Variants in DCDC2 observed in about 807,000 individuals in gnomAD.
DCDC2 encodes the protein doublecortin domain-containing protein 2.
A neutral mutation model predicts 50.2 loss-of-function variants in DCDC2; 40 were observed. The observed-to-expected ratio is 0.80, with a 90% confidence interval of 0.62 to 1.04. DCDC2 has a LOEUF of 1.04. Among genes scored for constraint, DCDC2 ranks in the 50% least tolerant of loss-of-function variants. The pLI, the probability that DCDC2 is intolerant of heterozygous loss-of-function variation, is 0.00. For synonymous variants in DCDC2, 234 were observed against 210.6 expected, an observed-to-expected ratio of 1.11 and a Z score of -0.96; for missense variants, 570 against 581.9, an observed-to-expected ratio of 0.98 and a Z score of 0.21.
At chr6:24,179,885 C>T (rs1484941011) in intron 8 of DCDC2, among the ~76,000 whole-genome samples, 1 of 131,634 alleles carries the variant, frequency 7.6e-6, no homozygotes, top group Non-Finnish European at 1.5e-5. Context: ...ACCCGGGAGG[C>T]AGAGCTTGCA....
the DCDC2 span, among the ~76,000 whole-genome samples, chr6:24,381,301 T>C: frequency 6.6e-6 from 1 of 152,140 alleles, no homozygotes; most frequent in South Asian, 2.1e-4. Context: ...ATAATATTAT[T>C]AACCATAGTC....
chr6:24,234,028 A>T (rs76000831), intron 7 of DCDC2, among the ~76,000 whole-genome samples: 1,713 of 152,318 alleles, frequency 0.011, 32 homozygotes, highest in African/African-American at 0.039. Context: ...ATGCACATAA[A>T]ATGCAGATAG....
chr6:24,246,358 T>A, intron 7 of DCDC2, among the ~76,000 whole-genome samples: 1 of 151,148 alleles, frequency 6.6e-6, no homozygotes, highest in Admixed American at 6.6e-5. Context: ...AGTGGTAAAA[T>A]TTTAGAGAAA....
rs1763732911 is a variant in DCDC2, at chr6:24,291,027, A to G, written c.609T>C (p.Asn203=). 6.2e-7 allele frequency: 1 copy of G among 1,614,080 alleles called. No homozygotes were observed. The highest frequency in any genetic ancestry group is 1.3e-5 in the African/African-American group (1 of 75,064). The change falls in exon 5 of 10, where the codon AAT becomes AAC. Residue 203 remains asparagine, a synonymous_variant. Coordinates refer to ENST00000378454, the MANE Select transcript of DCDC2 (RefSeq NM_016356.5). ...TGCCAACAGCCACATAAAACTGCCC[A>G]TTCTCCAACTCTGCTCCACTCTCAA... ...KLVESGAELE[N]GQFYVAVGRD... is the part of the protein sequence containing the mutation.
chr6:24,364,049 C>T, the DCDC2 span, among the ~76,000 whole-genome samples: 1 of 152,120 alleles, frequency 6.6e-6, no homozygotes, highest in Non-Finnish European at 1.5e-5. Flanking sequence ...CCATCGCTTC[C>T]TTTAAAATCC....
chr6:24,363,383 C>T, the DCDC2 span, among the ~76,000 whole-genome samples: 1 of 152,126 alleles, frequency 6.6e-6, no homozygotes, highest in Non-Finnish European at 1.5e-5. Context: ...CTCCTGTAGT[C>T]CCAGCTACTC....
At chr6:24,282,128 C>T (rs1763487863) in intron 6 of DCDC2, among the ~76,000 whole-genome samples, 1 of 152,192 alleles carries the variant, frequency 6.6e-6, no homozygotes, top group African/African-American at 2.4e-5. Flanking sequence ...CACTGTCCTG[C>T]CCTTTGTCTC....
intron 4 of DCDC2, among the ~76,000 whole-genome samples, chr6:24,294,557 A>T (rs1437000322): frequency 6.6e-6 from 1 of 152,012 alleles, no homozygotes; most frequent in Non-Finnish European, 1.5e-5. Context: ...AAAATTAATA[A>T]GATACATAGG....
chr6:24,317,926 T>G (rs1013517702), intron 2 of DCDC2, among the ~76,000 whole-genome samples: 34 of 151,536 alleles, frequency 2.2e-4, no homozygotes, highest in African/African-American at 7.5e-4. Flanking sequence ...ACTAGAGAAA[T>G]GCAAATTAGA....
chr6:24,280,704 AT>A (rs1561756328), intron 6 of DCDC2, among the ~76,000 whole-genome samples: 1 of 151,734 alleles, frequency 6.6e-6, no homozygotes, highest in African/African-American at 2.4e-5. Context: ...ACCCAGGTAA[AT>A]TTTTTTGAAT....
At chr6:24,361,330 T>C (rs2127261609), upstream of DCDC2, among the ~76,000 whole-genome samples, 1 of 152,154 alleles carries the variant, frequency 6.6e-6, no homozygotes, top group Middle Eastern at 3.4e-3. Context: ...AGTATCAGGC[T>C]TAGTACCTGG....
intron 7 of DCDC2, among the ~76,000 whole-genome samples, chr6:24,254,044 G>C (rs1444895579): frequency 2.0e-5 from 3 of 150,292 alleles, no homozygotes. Context: ...TTTAAGTTTT[G>C]TTTAATTTTT....
intron 6 of DCDC2, among the ~76,000 whole-genome samples, chr6:24,285,853 A>T (rs1362150693): frequency 1.3e-5 from 2 of 152,152 alleles, no homozygotes; most frequent in African/African-American, 4.8e-5. Flanking sequence ...GTGACTTGGG[A>T]TCAATTTATT....
At chr6:24,234,363 A>G (rs982885269) in intron 7 of DCDC2, among the ~76,000 whole-genome samples, 3 of 152,218 alleles carry the variant, frequency 2.0e-5, no homozygotes, top group Admixed American at 2.0e-4. Context: ...TGCAAAGTTG[A>G]AGATAATGGG....
At chr6:24,362,626 G>A (rs1307450560), upstream of DCDC2, among the ~76,000 whole-genome samples, 3 of 151,798 alleles carry the variant, frequency 2.0e-5, no homozygotes, top group South Asian at 2.1e-4. Flanking sequence ...TGCCTCACAC[G>A]CCAGAACAAG....
the DCDC2 span, among the ~76,000 whole-genome samples, chr6:24,373,097 T>C: frequency 6.6e-6 from 1 of 152,306 alleles, no homozygotes; most frequent in African/African-American, 2.4e-5. Flanking sequence ...CAAACCTAGT[T>C]CATCAAGAAT....
Position 24,301,190 on chromosome 6 carries a change from A to T in DCDC2, c.557+525T>A, listed in dbSNP as rs989500923. Among the ~76,000 whole-genome samples, 18 of 151,834 alleles carry T rather than the reference A, an allele frequency of 1.2e-4. No individual in the cohort carries two copies. The East Asian group carries it at 1.4e-3, about 11-fold the overall frequency. ...ATCGAGCCCATCCTGGCTAACATGGAGAAACCCCGTCTCTACTAAAAATAC... is the reference window on the plus strand; with the variant it reads ...ATCGAGCCCATCCTGGCTAACATGGTGAAACCCCGTCTCTACTAAAAATAC... On this transcript the variant is annotated intron_variant, in intron 4 of 9. Transcript: ENST00000378454.
At chr6:24,203,640 G>A (rs773842037) in intron 8 of DCDC2, among the ~76,000 whole-genome samples, 2 of 152,122 alleles carry the variant, frequency 1.3e-5, no homozygotes, top group African/African-American at 4.8e-5. Flanking sequence ...TGACAAATGG[G>A]ATCTAATTAA....
chr6:24,263,728 A>T (rs1763059866), intron 7 of DCDC2, among the ~76,000 whole-genome samples: 1 of 152,316 alleles, frequency 6.6e-6, no homozygotes, highest in Middle Eastern at 3.4e-3. Context: ...ACAAATTTAC[A>T]AGAACTAGAC....
Sources: allele counts gnomAD v4.1 joint callset (sites outside exome capture counted in the v4.1 genomes callset), GRCh38; gene constraint gnomAD v4.1.1; transcripts MANE v1.5; gene names NCBI Gene and HGNC (gene_info 2026-07-23, HGNC 2026-07-21).